The following COL19A1 variants were observed in gnomAD, a reference collection of about 807,000 sequenced individuals.
COL19A1 encodes the protein collagen alpha-1(XIX) chain.
A neutral mutation model predicts 190.2 loss-of-function variants in COL19A1; 159 were observed. The observed-to-expected ratio is 0.84, with a 90% CI of 0.73 to 0.95. The LOEUF (loss-of-function observed/expected upper bound fraction) is 0.95, where lower values mean the gene tolerates loss of function less well. Ranked by LOEUF, COL19A1 falls within the 40% of genes least tolerant of loss-of-function variation. The pLI is 0.00. For missense variants in COL19A1, 1,418 were observed against 1,431.9 expected (o/e 0.99, Z 0.16); for synonymous variants, 509 against 458.9 (o/e 1.11, Z -1.39).
chr6:69,991,838 T>A (rs1436548216), intron 11 of COL19A1, among the ~76,000 whole-genome samples: 1 of 152,118 alleles, frequency 6.6e-6, no homozygotes, highest in Non-Finnish European at 1.5e-5. Context: ...ATTCTGTATG[T>A]TGTCTGTTTA....
intron 23 of COL19A1, among the ~76,000 whole-genome samples, chr6:70,143,502 C>T (rs1786397581): frequency 6.6e-6 from 1 of 152,082 alleles, no homozygotes; most frequent in Non-Finnish European, 1.5e-5. Flanking sequence ...CACTATCTGA[C>T]TATGATTAGA....
At chr6:70,140,149 G>C (rs1385441942) in intron 19 of COL19A1, among the ~76,000 whole-genome samples, 1 of 151,922 alleles carries the variant, frequency 6.6e-6, no homozygotes, top group Non-Finnish European at 1.5e-5. Context: ...TGGTATCTGT[G>C]GGGGATGGGT....
At chr6:69,960,486 A>G (rs937194706) in intron 10 of COL19A1, among the ~76,000 whole-genome samples, 2 of 152,204 alleles carry the variant, frequency 1.3e-5, no homozygotes, top group Non-Finnish European at 2.9e-5. Flanking sequence ...GATGCTGTAG[A>G]CAACTACCTC....
At chr6:70,094,475 G>A (rs985908306) in intron 15 of COL19A1, among the ~76,000 whole-genome samples, 25 of 152,260 alleles carry the variant, frequency 1.6e-4, no homozygotes, top group Admixed American at 1.3e-3. Context: ...TTTAAAGAGA[G>A]TACTTAGACA....
At chr6:69,977,513 A>G (rs1246759059) in intron 11 of COL19A1, among the ~76,000 whole-genome samples, 1 of 152,000 alleles carries the variant, frequency 6.6e-6, no homozygotes, top group Non-Finnish European at 1.5e-5. Context: ...TGGCACATGT[A>G]TACATATGTA....
intron 12 of COL19A1, among the ~76,000 whole-genome samples, chr6:70,028,753 ACTCT>A (rs1778861776): frequency 6.6e-6 from 1 of 152,046 alleles, no homozygotes; most frequent in Admixed American, 6.6e-5. Context: ...TGGGGTTATC[ACTCT>A]CTGTACCCCA....
At chr6:70,135,981 T>C (rs1006513871) in intron 18 of COL19A1, among the ~76,000 whole-genome samples, 5 of 152,202 alleles carry the variant, frequency 3.3e-5, no homozygotes, top group African/African-American at 1.2e-4. Context: ...CTAGGCTGCA[T>C]GACTTGCAGT....
intron 11 of COL19A1, among the ~76,000 whole-genome samples, chr6:69,992,424 G>A (rs1776676994): frequency 6.6e-6 from 1 of 151,906 alleles, no homozygotes; most frequent in Admixed American, 6.6e-5. Context: ...TGTGAAAAAT[G>A]TTGTTAGTAG....
chr6:70,188,117 C>A lies in COL19A1; in HGVS notation c.2899C>A (p.Arg967=). The A allele has an allele frequency of 6.2e-7, 1 of 1,613,512 alleles. No homozygotes were observed. ...AGGAGACAGAGGCTCACAAGGTGAA[C>A]GGGGAAAACCAGGCCTTACAGGCAT... ...IPGDRGSQGE[R]GKPGLTGMKG... is the part of the protein sequence containing the mutation. The change falls in exon 47 of 51, where the codon CGG becomes AGG. Residue 967 remains arginine, a synonymous_variant. Coordinates refer to ENST00000620364, the MANE Select transcript of COL19A1 (RefSeq NM_001858.6).
At chr6:70,203,692 A>G (rs2150310139) in intron 49 of COL19A1, among the ~76,000 whole-genome samples, 1 of 152,270 alleles carries the variant, frequency 6.6e-6, no homozygotes, top group South Asian at 2.1e-4. Context: ...TCTGGAGTCA[A>G]AACTGAAATC....
At chr6:70,186,875 TTTTTG>T (rs1235550713) in intron 46 of COL19A1, among the ~76,000 whole-genome samples, 2 of 152,266 alleles carry the variant, frequency 1.3e-5, no homozygotes, top group East Asian at 1.9e-4. Context: ...GATTCTTGTT[TTTTTG>T]TTTTGTTTTG....
At chr6:70,207,109 A>T in intron 50 of COL19A1, 38 bp from the exon 51 acceptor site, 1 of 1,605,542 alleles carries the variant, frequency 6.2e-7, no homozygotes, top group East Asian at 2.2e-5. Context: ...GAAGGGCCAT[A>T]TGTGATCTGC....
At chr6:69,973,918 T>C (rs1304594079) in intron 11 of COL19A1, 1 of 152,222 alleles carries the variant, frequency 6.6e-6, no homozygotes, top group Non-Finnish European at 1.5e-5. Flanking sequence ...AAGTGTGTCC[T>C]ACCAGACCGA....
At chr6:69,886,909 T>C (rs532514933) in intron 2 of COL19A1, among the ~76,000 whole-genome samples, 7 of 152,350 alleles carry the variant, frequency 4.6e-5, no homozygotes, top group Middle Eastern at 3.4e-3. Flanking sequence ...TTCAGATTAT[T>C]GTGCCTTAAA....
intron 4 of COL19A1, among the ~76,000 whole-genome samples, chr6:69,926,339 A>T (rs1208068616): frequency 6.6e-6 from 1 of 152,192 alleles, no homozygotes; most frequent in Non-Finnish European, 1.5e-5. Flanking sequence ...CTTACTTAAC[A>T]ATAACTTTGT....
chr6:70,045,763 G>T (rs1053174169), intron 14 of COL19A1, among the ~76,000 whole-genome samples: 5 of 152,176 alleles, frequency 3.3e-5, no homozygotes, highest in Admixed American at 2.6e-4. Context: ...TACAGGAATT[G>T]CATTTGCCCT....
rs780191411 is a variant in COL19A1, at chr6:70,209,222, G to A, written c.*1948G>A. The A allele has an allele frequency of 5.3e-5, 8 of 152,376 alleles. No individual in the cohort carries two copies. The highest frequency in any genetic ancestry group is 1.3e-4 in the Admixed American group (2 of 15,270). 9.4% of individuals were successfully genotyped at this position (152,376 alleles called of 1,614,324 possible). On this transcript the variant is annotated 3_prime_UTR_variant, in exon 51 of 51. Transcript: ENST00000620364. Reference sequence around the variant, plus strand: ...TTTTAATTTGTTGAATTTTCTAAACGCTTACAACTTATCTGCCACTCATAT... The same window carrying A: ...TTTTAATTTGTTGAATTTTCTAAACACTTACAACTTATCTGCCACTCATAT...
intron 2 of COL19A1, 166 bp downstream of exon 2, chr6:69,879,824 A>G: frequency 1.6e-6 from 1 of 638,868 alleles, no homozygotes; most frequent in East Asian, 2.8e-5. Flanking sequence ...GCACATTAGG[A>G]ATTCCTAAAA....
chr6:70,023,646 G>A lies in COL19A1; in HGVS notation c.1046G>A (p.Gly349Glu), dbSNP rs745756517. 4 of 1,610,526 alleles carry A rather than the reference G, an allele frequency of 2.5e-6. No homozygotes were observed. The highest frequency in any genetic ancestry group is 1.1e-5 in the South Asian group (1 of 90,216). ...TTTTAGGGTGAACAAGGAGAAAAAG[G>A]AGATCCAGCTCTGGCTGGCCTTAAT... Reference protein sequence around the residue: ...TGEKGEQGEKGDPALAGLNGE... With the variant: ...TGEKGEQGEKEDPALAGLNGE... The change falls in exon 12 of 51, where the codon GGA (glycine) becomes GAA (glutamate). Residue 349 changes from glycine (G) to glutamate (E), a missense_variant. Physicochemically the swap from Gly to Glu is moderately conservative, Grantham distance 98. Transcript: ENST00000620364.
Sources: gnomAD v4.1 joint callset for allele counts (sites outside exome capture counted in the v4.1 genomes callset) on GRCh38, gnomAD v4.1.1 for gene constraint, MANE v1.5 for transcripts, NCBI Gene and HGNC (gene_info 2026-07-23, HGNC 2026-07-21) for gene names.